Variants in AGPAT4 observed in about 807,000 individuals in gnomAD.
The protein encoded by AGPAT4 is 1-acylglycerol-3-phosphate O-acyltransferase 4.
In AGPAT4, 15 loss-of-function variants were observed where a neutral mutation model predicts 48.0. The ratio of observed to expected loss-of-function variants is 0.31; its 90% CI spans 0.21 to 0.48. The LOEUF (loss-of-function observed/expected upper bound fraction) is 0.48, where lower values mean the gene tolerates loss of function less well. Among genes scored for constraint, AGPAT4 ranks in the 20% least tolerant of loss-of-function variants. The pLI is 0.99. For synonymous variants in AGPAT4, 178 were observed against 198.7 expected (o/e 0.90, Z 0.88); for missense variants, 314 against 482.5 (o/e 0.65, Z 3.27).
intron 2 of AGPAT4, among the ~76,000 whole-genome samples, chr6:161,167,699 T>C (rs1432380376): frequency 6.6e-6 from 1 of 152,200 alleles, no homozygotes. Flanking sequence ...GGCTGGAAGC[T>C]GGAGGCTTGA....
chr6:161,194,680 A>G (rs1250065367), intron 2 of AGPAT4, among the ~76,000 whole-genome samples: 12 of 151,772 alleles, frequency 7.9e-5, no homozygotes, highest in Non-Finnish European at 2.9e-5. Context: ...ATAGATGCGT[A>G]GGTATGTATG....
rs1366166932 is a variant in AGPAT4, at chr6:161,262,440, C to T, written c.-90+11498G>A. ...GTGTGTGAGCTCCCCAAACCCCAAACTCTTCCACAGCTGGCTCTATACTAG... is the reference window on the plus strand; with the variant it reads ...GTGTGTGAGCTCCCCAAACCCCAAATTCTTCCACAGCTGGCTCTATACTAG... On this transcript the variant is annotated intron_variant, in intron 1 of 8. Transcript: ENST00000320285. The surrounding 1 kb of genome is among the most constrained non-coding windows in gnomAD (Gnocchi z 4.9). Among the ~76,000 whole-genome samples, 1 of 152,196 alleles carries T rather than the reference C, an allele frequency of 6.6e-6. No homozygotes were observed. The highest frequency in any genetic ancestry group is 1.5e-5 in the Non-Finnish European group (1 of 68,030).
Position 161,157,169 on chromosome 6 carries a change from T to A in AGPAT4, c.349-2859A>T, listed in dbSNP as rs571292428. ...GCACTGGGCAGTCATTTACAAGTGATTTTTATTTTGTTAGATTTTCCAGTT... is the reference window on the plus strand; with the variant it reads ...GCACTGGGCAGTCATTTACAAGTGAATTTTATTTTGTTAGATTTTCCAGTT... On this transcript the variant is annotated intron_variant, in intron 3 of 8. Coordinates refer to ENST00000320285, the MANE Select transcript of AGPAT4 (RefSeq NM_020133.3). Among the ~76,000 whole-genome samples, 411 of 152,352 alleles carry A rather than the reference T, an allele frequency of 2.7e-3. 6 individuals are homozygous for A. Among genetic ancestry groups the A allele is most frequent in the South Asian group, 6.0e-3 (29 of 4,824 alleles).
In AGPAT4 at chr6:161,184,954, G is replaced by T. The variant is rs1031800485; in HGVS notation, c.179-18537C>A. Among the ~76,000 whole-genome samples, 1 of 152,006 alleles carries T rather than the reference G, an allele frequency of 6.6e-6. No individual in the cohort carries two copies. The highest frequency in any genetic ancestry group is 1.5e-5 in the Non-Finnish European group (1 of 67,998). On this transcript the variant is annotated intron_variant, in intron 2 of 8. Coordinates refer to ENST00000320285, the MANE Select transcript of AGPAT4 (RefSeq NM_020133.3). The surrounding 1 kb of genome is among the most constrained non-coding windows in gnomAD (Gnocchi z 4.8). ...GGAGGAGTAGGTTAAACGCCCTCAC[G>T]ATGAGCACCCACACACCCAGAGCAC...
In AGPAT4 at chr6:161,226,002, G is replaced by A. The variant is rs1443121829; in HGVS notation, c.178+6034C>T. On this transcript the variant is annotated intron_variant, in intron 2 of 8. Coordinates refer to ENST00000320285, the MANE Select transcript of AGPAT4 (RefSeq NM_020133.3). This position sits in a 1 kb window ranked among gnomAD's most constrained non-coding sequence, Gnocchi z 6.3. ...GCTACTCTGAAGGGAGAGATGATCA[G>A]TTTTAGGATCATGTCCACCTACAGC... 2.0e-5 allele frequency among the ~76,000 whole-genome samples: 3 copies of A among 152,190 alleles called. No individual in the cohort carries two copies. The highest frequency in any genetic ancestry group is 6.5e-5 in the Admixed American group (1 of 15,280).
intron 2 of AGPAT4, among the ~76,000 whole-genome samples, chr6:161,224,640 CAA>C (rs71543000): frequency 1.1e-4 from 9 of 78,656 alleles, no homozygotes; most frequent in Admixed American, 1.6e-4. Context: ...GACTCCTTCT[CAA>C]AAAAAAAAAA....
At chr6:161,258,442 C>A (rs1167893285) in intron 1 of AGPAT4, among the ~76,000 whole-genome samples, 1 of 152,142 alleles carries the variant, frequency 6.6e-6, no homozygotes, top group Non-Finnish European at 1.5e-5. Context: ...AACTTTTCCA[C>A]CTCTTGGTGG....
chr6:161,197,129 C>T lies in AGPAT4; in HGVS notation c.179-30712G>A, dbSNP rs567197372. 7.2e-5 allele frequency among the ~76,000 whole-genome samples: 11 copies of T among 152,188 alleles called. No homozygotes were observed. The South Asian group carries it at 1.0e-3, about 14-fold the overall frequency. ...CGGATCCAGGAACACTTTAATTTGC[C>T]GATACTAATGAGTATTTTAGGAGAT... On this transcript the variant is annotated intron_variant, in intron 2 of 8. Coordinates refer to ENST00000320285, the MANE Select transcript of AGPAT4 (RefSeq NM_020133.3). The surrounding 1 kb of genome is among the most constrained non-coding windows in gnomAD (Gnocchi z 5.7).
At chr6:161,153,920 C>T (rs1439409976) in intron 4 of AGPAT4, among the ~76,000 whole-genome samples, 3 of 151,082 alleles carry the variant, frequency 2.0e-5, no homozygotes, top group African/African-American at 7.3e-5. Flanking sequence ...CCTGGGGTCA[C>T]ACACGGCCCC....
At chr6:161,175,283 T>C (rs1482117740) in intron 2 of AGPAT4, among the ~76,000 whole-genome samples, 2 of 152,168 alleles carry the variant, frequency 1.3e-5, no homozygotes, top group Admixed American at 1.3e-4. Context: ...GGTCCTGGAC[T>C]TTTTTTGGTT....
Position 161,242,734 on chromosome 6 carries a change from CT to C in AGPAT4, c.-89-10433del, listed in dbSNP as rs1782528394. Among the ~76,000 whole-genome samples, 1 of 152,190 alleles carries C rather than the reference CT, an allele frequency of 6.6e-6. No individual in the cohort carries two copies. Among genetic ancestry groups the C allele is most frequent in the South Asian group, 2.1e-4 (1 of 4,832 alleles). On this transcript the variant is annotated intron_variant, in intron 1 of 8. Coordinates refer to ENST00000320285, the MANE Select transcript of AGPAT4 (RefSeq NM_020133.3). The surrounding 1 kb of genome is among the most constrained non-coding windows in gnomAD (Gnocchi z 5.0). ...CCAAACAGAAATGAAAAAAATTAAT[CT>C]TCCAAACAGGGGAAACGTCCACAAC...
chr6:161,165,209 G>GCA lies in AGPAT4; in HGVS notation c.348+1037_348+1038dup, dbSNP rs927924875. Among the ~76,000 whole-genome samples the GCA allele has an allele frequency of 2.0e-5, 3 of 152,062 alleles. No individual in the cohort carries two copies. Among genetic ancestry groups the GCA allele is most frequent in the South Asian group, 2.1e-4 (1 of 4,792 alleles). On this transcript the variant is annotated intron_variant, in intron 3 of 8. Transcript: ENST00000320285. The surrounding 1 kb of genome is among the most constrained non-coding windows in gnomAD (Gnocchi z 5.5). ...TGCTCTTGTTCCTAGAAATATATTTGCACACACACACACGTGTACACACAA... is the reference window on the plus strand; with the variant it reads ...TGCTCTTGTTCCTAGAAATATATTTGCACACACACACACACGTGTACACACAA...
At position 161,146,800 on chromosome 6, in the gene AGPAT4, C is replaced by A. The variant is rs185543139; in HGVS notation, c.768-201G>T. On this transcript the variant is annotated intron_variant, in intron 6 of 8. Coordinates refer to ENST00000320285, the MANE Select transcript of AGPAT4 (RefSeq NM_020133.3). This position sits in a 1 kb window ranked among gnomAD's most constrained non-coding sequence, Gnocchi z 7.1. ...CAGGCAAAAATGCAATTATGACCCACGAAGGAACAACCCAGGGGCCAATTC... is the reference window on the plus strand; with the variant it reads ...CAGGCAAAAATGCAATTATGACCCAAGAAGGAACAACCCAGGGGCCAATTC... Among the ~76,000 whole-genome samples, 4 of 152,142 alleles carry A rather than the reference C, an allele frequency of 2.6e-5. No individual in the cohort carries two copies. The highest frequency in any genetic ancestry group is 5.9e-5 in the Non-Finnish European group (4 of 68,028).
intron 2 of AGPAT4, among the ~76,000 whole-genome samples, chr6:161,213,149 A>T (rs1207421844): frequency 6.6e-6 from 1 of 152,208 alleles, no homozygotes; most frequent in Non-Finnish European, 1.5e-5. Flanking sequence ...CACCCAACTC[A>T]TAGGTATTTG....
In AGPAT4 at chr6:161,265,042, AGG is replaced by A. The variant is rs1280325208; in HGVS notation, c.-90+8894_-90+8895del. On this transcript the variant is annotated intron_variant, in intron 1 of 8. Coordinates refer to ENST00000320285, the MANE Select transcript of AGPAT4 (RefSeq NM_020133.3). ...ACCAGCAACTGTGGGGATGGATGCT[AGG>A]AGGCAAATTAATACTAGTGAGACCT... Among the ~76,000 whole-genome samples, 50 of 152,290 alleles carry A rather than the reference AGG, an allele frequency of 3.3e-4. No individual in the cohort carries two copies. The East Asian group carries it at 8.9e-3, about 27-fold the overall frequency.
At position 161,199,624 on chromosome 6, in the gene AGPAT4, G is replaced by C. The variant is rs527896769; in HGVS notation, c.178+32412C>G. On this transcript the variant is annotated intron_variant, in intron 2 of 8. Coordinates refer to ENST00000320285, the MANE Select transcript of AGPAT4 (RefSeq NM_020133.3). ...AACTGTAATCCCCAATGTTGGGGGA[G>C]GGGCCGGTGAGAGGTGACTGGACCA... is the stretch of plus-strand genomic sequence containing the variant. Among the ~76,000 whole-genome samples the C allele has an allele frequency of 3.3e-5, 5 of 152,290 alleles. No individual in the cohort carries two copies. The East Asian group carries it at 7.7e-4, about 24-fold the overall frequency.
chr6:161,219,065 A>G lies in AGPAT4; in HGVS notation c.178+12971T>C, dbSNP rs376889507. Among the ~76,000 whole-genome samples the G allele has an allele frequency of 7.9e-5, 12 of 152,348 alleles. No individual in the cohort carries two copies. The South Asian group carries it at 1.4e-3, about 18-fold the overall frequency. On this transcript the variant is annotated intron_variant, in intron 2 of 8. Coordinates refer to ENST00000320285, the MANE Select transcript of AGPAT4 (RefSeq NM_020133.3). This position sits in a 1 kb window ranked among gnomAD's most constrained non-coding sequence, Gnocchi z 4.9. Reference sequence around the variant, plus strand: ...ATGCCTCAGATCCCATCTGGGCCCAAGATAAACTGAAATAGAGAAAAATAC... The same window carrying G: ...ATGCCTCAGATCCCATCTGGGCCCAGGATAAACTGAAATAGAGAAAAATAC...
At position 161,136,509 on chromosome 6, in the gene AGPAT4, G is replaced by T; in HGVS notation, c.*31C>A. 2 of 1,600,864 alleles carry T rather than the reference G, an allele frequency of 1.2e-6. No individual in the cohort carries two copies. The highest frequency in any genetic ancestry group is 2.2e-5 in the East Asian group (1 of 44,816). On this transcript the variant is annotated 3_prime_UTR_variant, in exon 9 of 9. Coordinates refer to ENST00000320285, the MANE Select transcript of AGPAT4 (RefSeq NM_020133.3). ...TATGCAGAGGCCACCAGTTCCCCAAGGTTCCCTTCGGATGGTGACACCTCC... is the reference window on the plus strand; with the variant it reads ...TATGCAGAGGCCACCAGTTCCCCAATGTTCCCTTCGGATGGTGACACCTCC...
chr6:161,255,662 C>T lies in AGPAT4; in HGVS notation c.-90+18276G>A, dbSNP rs75549799. 0.061 allele frequency among the ~76,000 whole-genome samples: 9,292 copies of T among 151,852 alleles called. 591 individuals carry two copies. Among genetic ancestry groups the T allele is most frequent in the Admixed American group, 0.21 (3,172 of 15,236 alleles). On this transcript the variant is annotated intron_variant, in intron 1 of 8. Transcript: ENST00000320285. This position sits in a 1 kb window ranked among gnomAD's most constrained non-coding sequence, Gnocchi z 4.7. ...TACGATTCGGTTTATATGAAAGGTT[C>T]GGACTAGGCCAATGCATGGAGACAG... is the stretch of plus-strand genomic sequence containing the variant.
Sources: gnomAD v4.1 joint callset for allele counts (sites outside exome capture counted in the v4.1 genomes callset) on GRCh38, gnomAD v4.1.1 for gene constraint, Gnocchi (gnomAD v3.1) non-coding constraint, MANE v1.5 for transcripts, NCBI Gene and HGNC (gene_info 2026-07-23, HGNC 2026-07-21) for gene names.